Variants in QRSL1 observed in about 807,000 individuals in gnomAD.
The protein encoded by QRSL1 is glutamyl-tRNA(Gln) amidotransferase subunit A, mitochondrial.
QRSL1 carries 54 observed loss-of-function variants against 61.6 expected under a neutral mutation model. The ratio of observed to expected loss-of-function variants is 0.88; its 90% CI spans 0.70 to 1.10. The LOEUF (loss-of-function observed/expected upper bound fraction) is 1.10, where lower values mean the gene tolerates loss of function less well. Among genes scored for constraint, QRSL1 ranks in the 50% least tolerant of loss-of-function variants. The probability of loss-of-function intolerance (pLI) is 0.00; values close to 1 mark genes in which losing one functional copy is unlikely to be tolerated. For synonymous variants in QRSL1, 228 were observed against 225.7 expected, an observed-to-expected ratio of 1.01 and a Z score of -0.09; for missense variants, 505 against 622.6, an observed-to-expected ratio of 0.81 and a Z score of 2.01.
Position 106,666,026 on chromosome 6 carries a change from CT to C in QRSL1, c.*28del, listed in dbSNP as rs1366382764. On this transcript the variant is annotated 3_prime_UTR_variant, in exon 11 of 11. Transcript: ENST00000369046. ...AAACATATCTTACAAATTAAAATGA[CT>C]TTTAGGCTGGGTGCAGTGGCTCACA... 5 of 1,601,220 alleles carry C rather than the reference CT, an allele frequency of 3.1e-6. No homozygotes were observed. Among genetic ancestry groups the C allele is most frequent in the Non-Finnish European group, 4.3e-6 (5 of 1,169,736 alleles).
At chr6:106,661,102 T>A (rs1777348965) in intron 9 of QRSL1, among the ~76,000 whole-genome samples, 1 of 136,378 alleles carries the variant, frequency 7.3e-6, no homozygotes, top group Non-Finnish European at 1.6e-5. Flanking sequence ...AAAACAAGTA[T>A]TTGTTTTGTT....
intron 1 of QRSL1, among the ~76,000 whole-genome samples, chr6:106,632,130 A>G (rs144429039): frequency 4.6e-5 from 7 of 152,268 alleles, no homozygotes; most frequent in East Asian, 1.9e-4. Context: ...TGTTGTTGCA[A>G]TTGACAAGCT....
At chr6:106,638,475 C>T (rs531204900) in intron 1 of QRSL1, among the ~76,000 whole-genome samples, 2 of 151,912 alleles carry the variant, frequency 1.3e-5, no homozygotes, top group East Asian at 1.9e-4. Flanking sequence ...TGGCTAATTT[C>T]GTATTTTTAG....
At position 106,647,027 on chromosome 6, in the gene QRSL1, C is replaced by CAA. The variant is rs57402820; in HGVS notation, c.381-1971_381-1970dup. Among the ~76,000 whole-genome samples, 35 of 81,438 alleles carry CAA rather than the reference C, an allele frequency of 4.3e-4. 1 individual carries two copies. Among genetic ancestry groups the CAA allele is most frequent in the South Asian group, 5.8e-4 (1 of 1,718 alleles). 53.4% of individuals were successfully genotyped at this position (81,438 alleles called of 152,430 possible). On this transcript the variant is annotated intron_variant, in intron 4 of 10. Transcript: ENST00000369046. ...TGGGTGACAGAGCAAGACTCCTTCT[C>CAA]AAAAAAAAAAAAAAAAAAAAAAAAA...
intron 9 of QRSL1, among the ~76,000 whole-genome samples, chr6:106,659,854 T>G (rs541350525): frequency 6.6e-4 from 100 of 152,326 alleles, no homozygotes; most frequent in African/African-American, 2.3e-3. Flanking sequence ...AAACACAAAC[T>G]TATTTCCGTC....
rs769937180 is a variant in QRSL1, at chr6:106,652,553, G to A, written c.820G>A (p.Val274Met). Residue 274 changes from valine to methionine, a missense_variant, in exon 7 of 11, where the codon GTG (valine) becomes ATG (methionine). By Grantham distance (21) the Val-to-Met change is conservative. Coordinates refer to ENST00000369046, the MANE Select transcript of QRSL1 (RefSeq NM_018292.5). ...ATTCATGCTTCCCAGTTTGGCAGAT[G>A]TGAGCAAACTATGTATAGGAATTCC... ...KPFMLPSLADVSKLCIGIPKE... is the reference protein window; with the variant it reads ...KPFMLPSLADMSKLCIGIPKE... 1.9e-5 allele frequency: 31 copies of A among 1,614,218 alleles called. 1 individual carries two copies. Among genetic ancestry groups the A allele is most frequent in the Non-Finnish European group, 2.5e-5 (30 of 1,180,040 alleles).
intron 1 of QRSL1, among the ~76,000 whole-genome samples, chr6:106,636,318 CTT>C (rs869032477): frequency 2.9e-4 from 38 of 131,736 alleles, no homozygotes; most frequent in Admixed American, 5.4e-4. Context: ...AGCTCTGCTA[CTT>C]TTTTTTTTTT....
At chr6:106,654,383 A>G (rs1307359909) in intron 7 of QRSL1, among the ~76,000 whole-genome samples, 1 of 152,154 alleles carries the variant, frequency 6.6e-6, no homozygotes, top group Non-Finnish European at 1.5e-5. Context: ...CTAACAGGGT[A>G]CCTGATACAT....
intron 1 of QRSL1, among the ~76,000 whole-genome samples, chr6:106,638,911 C>T (rs545739574): frequency 1.3e-5 from 2 of 152,182 alleles, no homozygotes; most frequent in East Asian, 1.9e-4. Flanking sequence ...TTATGGAACA[C>T]GTGAAAACAC....
intron 9 of QRSL1, among the ~76,000 whole-genome samples, chr6:106,658,480 GGAGTGA>G (rs1777305826): frequency 6.6e-6 from 1 of 152,128 alleles, no homozygotes; most frequent in South Asian, 2.1e-4. Context: ...CTTGAGCCCA[GGAGTGA>G]GAGCCTGCAC....
chr6:106,661,685 T>TC (rs1427382765), intron 9 of QRSL1, among the ~76,000 whole-genome samples: 1 of 85,036 alleles, frequency 1.2e-5, no homozygotes, highest in African/African-American at 4.0e-5. Flanking sequence ...AATGGTTAGT[T>TC]CTTTTTTTTT....
intron 10 of QRSL1, 52 bp downstream of exon 10, chr6:106,663,237 C>G (rs1199401661): frequency 6.4e-7 from 1 of 1,551,386 alleles, no homozygotes; most frequent in Non-Finnish European, 8.9e-7. Context: ...TAGGCAGGTA[C>G]CCTGGTCTTC....
At chr6:106,641,047 TATC>T (rs1777011595) in intron 3 of QRSL1, 126 bp downstream of exon 3, 5 of 687,510 alleles carry the variant, frequency 7.3e-6, no homozygotes, top group Middle Eastern at 2.8e-4. Context: ...TAGAATATAA[TATC>T]ATGTTTTTTT....
chr6:106,640,411 T>C lies in QRSL1; in HGVS notation c.87T>C (p.Ser29=), dbSNP rs555634253. ...CAGAGCTCTGTCAAAAATGTCTCTCTCTTATCAAGAAGACCAAGTTTCTAA... is the reference window on the plus strand; with the variant it reads ...CAGAGCTCTGTCAAAAATGTCTCTCCCTTATCAAGAAGACCAAGTTTCTAA... ...TPTELCQKCL[S]LIKKTKFLNA... is the part of the protein sequence containing the mutation. Residue 29 remains serine (S), a synonymous_variant, in exon 2 of 11, where the codon TCT becomes TCC. Coordinates refer to ENST00000369046, the MANE Select transcript of QRSL1 (RefSeq NM_018292.5). 13 of 1,612,910 alleles carry C rather than the reference T, an allele frequency of 8.1e-6. No homozygotes were observed. The South Asian group carries it at 1.3e-4, about 16-fold the overall frequency.
intron 5 of QRSL1, among the ~76,000 whole-genome samples, chr6:106,651,819 A>G (rs985869777): frequency 1.3e-5 from 2 of 152,190 alleles, no homozygotes; most frequent in African/African-American, 4.8e-5. Flanking sequence ...TGAAAGGAGA[A>G]TGGACTTTAA....
chr6:106,633,289 C>T (rs1365248548), intron 1 of QRSL1, among the ~76,000 whole-genome samples: 2 of 152,164 alleles, frequency 1.3e-5, no homozygotes, highest in African/African-American at 2.4e-5. Context: ...CTAAATTCTA[C>T]CAATTAGAGA....
chr6:106,654,519 A>G (rs1777237476), intron 7 of QRSL1, among the ~76,000 whole-genome samples: 1 of 152,234 alleles, frequency 6.6e-6, no homozygotes, highest in South Asian at 2.1e-4. Context: ...CCAGATCATA[A>G]TATCTAGTAC....
chr6:106,651,225 G>A (rs1777184004), intron 5 of QRSL1, among the ~76,000 whole-genome samples: 2 of 151,508 alleles, frequency 1.3e-5, no homozygotes, highest in Admixed American at 6.6e-5. Context: ...TCCGTTTTTT[G>A]TTTTTTTAAA....
chr6:106,662,950 T>G, intron 9 of QRSL1, 30 bp from the exon 10 acceptor site: 1 of 1,526,580 alleles, frequency 6.6e-7, no homozygotes, highest in Non-Finnish European at 9.1e-7. Context: ...CAAAAAATCC[T>G]TAAAAACATC....
Sources: gnomAD v4.1 joint callset for allele counts (sites outside exome capture counted in the v4.1 genomes callset) on GRCh38, gnomAD v4.1.1 for gene constraint, MANE v1.5 for transcripts, NCBI Gene and HGNC (gene_info 2026-07-23, HGNC 2026-07-21) for gene names.